The following RNF212B variants were observed in gnomAD, a reference collection of about 807,000 sequenced individuals.
RNF212B encodes E3 ubiquitin-protein ligase RNF212B.
In RNF212B, 52 loss-of-function variants were observed where a neutral mutation model predicts 55.5. That is an observed-to-expected ratio of 0.94 (90% CI 0.75 to 1.18). The LOEUF (loss-of-function observed/expected upper bound fraction) is 1.18. RNF212B is among the 50% of genes most tolerant of loss of function. RNF212B has a pLI of 0.00. For missense variants in RNF212B, 289 were observed against 350.4 expected (o/e 0.82, Z 1.40); for synonymous variants, 99 against 121.4 (o/e 0.82, Z 1.21).
intron 4 of RNF212B, among the ~76,000 whole-genome samples, chr14:23,250,720 G>C (rs1312910353): frequency 6.6e-6 from 1 of 152,116 alleles, no homozygotes; most frequent in Non-Finnish European, 1.5e-5. Context: ...AGGTTCAGAC[G>C]ACATGTGCCC....
intron 4 of RNF212B, among the ~76,000 whole-genome samples, chr14:23,255,624 G>A (rs1328646897): frequency 6.6e-6 from 1 of 152,102 alleles, no homozygotes; most frequent in East Asian, 1.9e-4. Context: ...TAAGTTATTG[G>A]GAGGCCAAGG....
intron 2 of RNF212B, among the ~76,000 whole-genome samples, chr14:23,232,328 G>T: frequency 6.9e-6 from 1 of 145,942 alleles, no homozygotes; most frequent in Admixed American, 6.8e-5. Context: ...GTCTCTGCCC[G>T]GCTGCCCTGT....
Position 23,259,945 on chromosome 14 carries a change from GTGAA to G in RNF212B, c.405+6_405+9del, listed in dbSNP as rs1270881839. Reference sequence around the variant, plus strand: ...GAAGAAATTTCTAGCCATTCTAAAGGTGAATGAAATAGATTTTCCTTATTATTAT... The same window carrying G: ...GAAGAAATTTCTAGCCATTCTAAAGGTGAAATAGATTTTCCTTATTATTAT... On this transcript the variant is annotated splice_donor_variant and splice_donor_5th_base_variant and intron_variant, in intron 6 of 14. Coordinates refer to ENST00000430154, the MANE Select transcript of RNF212B (RefSeq NM_001282322.3). LOFTEE classifies it high-confidence loss of function. The G allele has an allele frequency of 5.6e-6, 8 of 1,438,642 alleles. No homozygotes were observed. The African/African-American group carries it at 1.1e-4, about 21-fold the overall frequency. 89.1% of individuals were successfully genotyped at this position (1,438,642 alleles called of 1,614,324 possible).
intron 3 of RNF212B, among the ~76,000 whole-genome samples, chr14:23,243,944 G>T (rs1017322911): frequency 2.0e-5 from 3 of 151,908 alleles, no homozygotes; most frequent in Non-Finnish European, 2.9e-5. Flanking sequence ...TGGGTGTGTT[G>T]GTAGGCACCT....
At position 23,246,998 on chromosome 14, in the gene RNF212B, G is replaced by A. The variant is rs191881955; in HGVS notation, c.228+2602G>A. Among the ~76,000 whole-genome samples the A allele has an allele frequency of 3.4e-3, 525 of 152,236 alleles. 4 individuals are homozygous for A. The highest frequency in any genetic ancestry group is 0.012 in the African/African-American group (504 of 41,548). Reference sequence around the variant, plus strand: ...TCTACTAAAAATAAAAAATTAGCCAGGTGTGGTGGCACGTGCCTTTAATCC... The same window carrying A: ...TCTACTAAAAATAAAAAATTAGCCAAGTGTGGTGGCACGTGCCTTTAATCC... On this transcript the variant is annotated intron_variant, in intron 4 of 14. Transcript: ENST00000430154.
chr14:23,248,338 G>T (rs1232486106), intron 4 of RNF212B, among the ~76,000 whole-genome samples: 4 of 148,454 alleles, frequency 2.7e-5, no homozygotes, highest in Non-Finnish European at 5.9e-5. Flanking sequence ...GTTTTACCAT[G>T]TTGCCCAGGT....
chr14:23,267,740 G>T (rs1885807226), intron 11 of RNF212B, among the ~76,000 whole-genome samples: 2 of 152,062 alleles, frequency 1.3e-5, no homozygotes, highest in African/African-American at 4.8e-5. Context: ...CAACAATTTT[G>T]TCTTAAAGTC....
At chr14:23,217,846 T>A (rs900526686) in intron 2 of RNF212B, among the ~76,000 whole-genome samples, 6 of 151,868 alleles carry the variant, frequency 4.0e-5, no homozygotes, top group Admixed American at 2.0e-4. Flanking sequence ...TCTACAAGCA[T>A]CAACACCATC....
chr14:23,226,810 T>TA (rs1882072628), intron 2 of RNF212B, among the ~76,000 whole-genome samples: 1 of 13,938 alleles, frequency 7.2e-5, no homozygotes, highest in Admixed American at 1.1e-3. Flanking sequence ...TTTCTTCTTC[T>TA]TCTTTTTTTT....
chr14:23,226,332 A>C (rs1882013435), intron 2 of RNF212B, among the ~76,000 whole-genome samples: 1 of 146,708 alleles, frequency 6.8e-6, no homozygotes, highest in Admixed American at 6.9e-5. Context: ...TAAATAAATA[A>C]ATAAATAGGA....
intron 2 of RNF212B, among the ~76,000 whole-genome samples, chr14:23,223,538 G>C (rs1881750363): frequency 6.6e-6 from 1 of 152,098 alleles, no homozygotes; most frequent in East Asian, 1.9e-4. Context: ...TGTATTTTTA[G>C]TAGAGACGGG....
upstream of RNF212B, among the ~76,000 whole-genome samples, chr14:23,235,737 C>T (rs1413675283): frequency 6.6e-6 from 1 of 152,144 alleles, no homozygotes; most frequent in Non-Finnish European, 1.5e-5. Flanking sequence ...TATTGTATAA[C>T]AAAATGCACT....
chr14:23,185,967 G>A (rs542177257), intron 1 of RNF212B, among the ~76,000 whole-genome samples: 1 of 152,222 alleles, frequency 6.6e-6, no homozygotes, highest in Admixed American at 6.5e-5. Context: ...GGGTGTGGTG[G>A]CTCACGCCTG....
At chr14:23,213,968 A>G (rs1428137953) in intron 2 of RNF212B, among the ~76,000 whole-genome samples, 1 of 152,140 alleles carries the variant, frequency 6.6e-6, no homozygotes, top group East Asian at 1.9e-4. Flanking sequence ...AGGAGCCACC[A>G]TAAAAAGTGC....
chr14:23,231,063 A>G (rs187362127), intron 2 of RNF212B, among the ~76,000 whole-genome samples: 1 of 152,294 alleles, frequency 6.6e-6, no homozygotes, highest in East Asian at 1.9e-4. Flanking sequence ...GAGTCTTCCA[A>G]ATTTTTTCCT....
intron 2 of RNF212B, among the ~76,000 whole-genome samples, chr14:23,221,529 C>A (rs935068536): frequency 6.6e-6 from 1 of 152,080 alleles, no homozygotes; most frequent in Non-Finnish European, 1.5e-5. Context: ...AGACAGACTC[C>A]AATACGGTAA....
chr14:23,190,622 C>G (rs1878028869), intron 1 of RNF212B, among the ~76,000 whole-genome samples: 1 of 152,208 alleles, frequency 6.6e-6, no homozygotes, highest in Non-Finnish European at 1.5e-5. Flanking sequence ...ACCATCAGCT[C>G]TCACCTACAC....
At chr14:23,229,220 TTATATATATATATATATATATATATATA>T (rs61656270) in intron 2 of RNF212B, among the ~76,000 whole-genome samples, 8,319 of 65,156 alleles carry the variant, frequency 0.13, 582 homozygotes, top group Non-Finnish European at 0.17. Context: ...GAATAATATT[TTATATATATATATATATATATATATATA>T]TATATATATA....
At chr14:23,230,653 CAAAAAAAAAAAAAAAAAA>C (rs60122483) in intron 2 of RNF212B, among the ~76,000 whole-genome samples, 1 of 73,994 alleles carries the variant, frequency 1.4e-5, no homozygotes. Context: ...GACTCCATCT[CAAAAAAAAAAAAAAAAAA>C]AAAAAAAAAA....
Sources: allele counts gnomAD v4.1 joint callset (sites outside exome capture counted in the v4.1 genomes callset), GRCh38; gene constraint gnomAD v4.1.1; transcripts MANE v1.5; gene names NCBI Gene and HGNC (gene_info 2026-07-23, HGNC 2026-07-21).